The following MUC6 variants were observed in gnomAD, a reference collection of about 807,000 sequenced individuals.
The protein encoded by MUC6 is mucin 6, oligomeric mucus/gel-forming (gene/pseudogene).
MUC6 carries 188 observed loss-of-function variants against 201.5 expected under a neutral mutation model. That is an observed-to-expected ratio of 0.93 (90% confidence interval 0.83 to 1.05). The LOEUF (loss-of-function observed/expected upper bound fraction) is 1.05. MUC6 is among the 50% of genes least tolerant of loss of function. The pLI is 0.00. For missense variants in MUC6, 2,706 were observed against 3,256.9 expected, an observed-to-expected ratio of 0.83 and a Z score of 4.12; for synonymous variants, 1,228 against 1,389.4, an observed-to-expected ratio of 0.88 and a Z score of 2.58.
intron 1 of MUC6, among the ~76,000 whole-genome samples, chr11:1,034,865 C>G (rs1019333750): frequency 6.6e-6 from 1 of 152,208 alleles, no homozygotes; most frequent in East Asian, 1.9e-4. Context: ...CTGCCCCACC[C>G]GCAGGAGGTT....
rs562379667 is a variant in MUC6 at position 1,029,239 on chromosome 11, T to G, written c.1264A>C (p.Ile422Leu). Residue 422 changes from isoleucine to leucine, a missense_variant, in exon 10 of 33, where the codon ATC (isoleucine) becomes CTC (leucine). Transcript: ENST00000421673. ...AGGGCTCGTCCTACCTGGAGGAGGA[T>G]GTAGGTGCAGGTGCCGTGGAAGCGG... ...PYRFHGTCTY[I>L]LLQSPQLPED... The G allele has an allele frequency of 6.2e-7, 1 of 1,607,724 alleles. No individual in the cohort carries two copies. Among genetic ancestry groups the G allele is most frequent in the East Asian group, 2.2e-5 (1 of 44,666 alleles).
rs750800331 is a variant in MUC6 at position 1,016,067 on chromosome 11, G to A, written c.6734C>T (p.Thr2245Ile). The A allele has an allele frequency of 6.8e-6, 11 of 1,612,842 alleles. No individual in the cohort carries two copies. The highest frequency in any genetic ancestry group is 6.7e-5 in the African/African-American group (5 of 74,876). Residue 2245 changes from threonine to isoleucine, a missense_variant, in exon 31 of 33, where the codon ACC becomes ATC. Around this residue, in one of 10 missense-constraint regions of MUC6, gnomAD observed 586 missense variants for 488.0 expected, o/e 1.20. Transcript: ENST00000421673. ...PTPSSHLASSTIAFPSTPRTT... is the reference protein window; with the variant it reads ...PTPSSHLASSIIAFPSTPRTT... ...CCTGGGCGTGGACGGAAATGCAATG[G>A]TGCTGGAGGCTAGGTGGCTGGATGG...
rs1856740253 is a variant in MUC6 at position 1,018,667 on chromosome 11, T to C, written c.4134A>G (p.Gly1378=). The part of the protein sequence containing the change: ...STTGPTTPQP[G]QPTRPTATET... ...CTGTGGCTGTGGGCCTCGTGGGTTG[T>C]CCTGGCTGTGGGGTGGTTGGGCCTG... Residue 1378 remains glycine, a synonymous_variant, in exon 31 of 33, where the codon GGA becomes GGG. Coordinates refer to ENST00000421673, the MANE Select transcript of MUC6 (RefSeq NM_005961.3). 1 of 1,613,098 alleles carries C rather than the reference T, an allele frequency of 6.2e-7. No homozygotes were observed. The highest frequency in any genetic ancestry group is 1.3e-5 in the African/African-American group (1 of 74,730).
At position 1,027,410 on chromosome 11, in the gene MUC6, G is replaced by C; in HGVS notation, c.2089C>G (p.Pro697Ala). The C allele has an allele frequency of 6.2e-7, 1 of 1,612,830 alleles. No homozygotes were observed. The highest frequency in any genetic ancestry group is 1.1e-5 in the South Asian group (1 of 91,086). Residue 697 changes from proline to alanine, a missense_variant, in exon 17 of 33, where the codon CCC (proline) becomes GCC (alanine). Coordinates refer to ENST00000421673, the MANE Select transcript of MUC6 (RefSeq NM_005961.3). ...TCGGGGCAGTTGCAACCGTCCACGG[G>C]CACGGCGCTGTGGTGGCACTCGGTG... is the stretch of plus-strand genomic sequence containing the variant. ...RATECHHSAV[P>A]VDGCNCPDGT...
intron 31 of MUC6, among the ~76,000 whole-genome samples, 153 bp downstream of exon 31, chr11:1,015,609 G>A (rs1856584240): frequency 6.6e-6 from 1 of 152,124 alleles, no homozygotes; most frequent in East Asian, 1.9e-4. Context: ...GGAGAGGAGA[G>A]TGGAAACGCC....
chr11:1,013,280 C>T lies in MUC6; in HGVS notation c.*176G>A, dbSNP rs1344167194. 2 of 635,822 alleles carry T rather than the reference C, an allele frequency of 3.1e-6. No homozygotes were observed. Among genetic ancestry groups the T allele is most frequent in the African/African-American group, 3.7e-5 (2 of 54,188 alleles). The allele number at this position is 635,822 out of a possible 1,614,324, so 39.4% of individuals were successfully genotyped here. ...TGCAGGAGTGTGGTAGTCTGAGCCC[C>T]TGCTTGGCAGCCCCTCTCCAACCGG... is the stretch of plus-strand genomic sequence containing the variant. On this transcript the variant is annotated 3_prime_UTR_variant, in exon 33 of 33. Coordinates refer to ENST00000421673, the MANE Select transcript of MUC6 (RefSeq NM_005961.3).
intron 24 of MUC6, among the ~76,000 whole-genome samples, chr11:1,024,639 G>A (rs1238533009): frequency 6.6e-6 from 1 of 152,170 alleles, no homozygotes; most frequent in Non-Finnish European, 1.5e-5. Flanking sequence ...GGAGGCCGGG[G>A]GGCTGCTTAA....
intron 7 of MUC6, 37 bp from the exon 8 acceptor site, chr11:1,030,372 C>G (rs752887553): frequency 6.5e-7 from 1 of 1,528,424 alleles, no homozygotes; most frequent in South Asian, 1.2e-5. Context: ...AGGGTCCCAC[C>G]CCCCCCACCC....
In MUC6 at chr11:1,027,159, G is replaced by T; in HGVS notation, c.2266C>A (p.Arg756=). 1 of 1,612,546 alleles carries T rather than the reference G, an allele frequency of 6.2e-7. No homozygotes were observed. The highest frequency in any genetic ancestry group is 8.5e-7 in the Non-Finnish European group (1 of 1,179,804). ...CINGRLSCPQ[R]PQMFLASCQA... ...TACGTACCCAGGAACATCTGTGGCC[G>T]CTGCGGGCAACTCAGCCGCCCGTTG... Residue 756 remains arginine, a synonymous_variant, in exon 18 of 33, where the codon CGG becomes AGG. Transcript: ENST00000421673.
chr11:1,018,959 G>T (rs1267277145), intron 30 of MUC6, among the ~76,000 whole-genome samples, 189 bp from the exon 31 acceptor site: 3 of 152,074 alleles, frequency 2.0e-5, no homozygotes, highest in Admixed American at 6.5e-5. Flanking sequence ...TCCACATCCT[G>T]CCCTGAGCTG....
At position 1,030,714 on chromosome 11, in the gene MUC6, C is replaced by G; in HGVS notation, c.751G>C (p.Val251Leu). The G allele has an allele frequency of 6.5e-7, 1 of 1,546,396 alleles. No homozygotes were observed. The highest frequency in any genetic ancestry group is 1.2e-5 in the South Asian group (1 of 84,154). ...GCCACGTCCGCCTGGCAGCTTAGCA[C>G]GAAGGGCTCCTTGGACACGCTGCAC... ...PECSVSKEPF[V>L]LSCQADVAAA... Residue 251 changes from valine (V) to leucine (L), a missense_variant, in exon 7 of 33, where the codon GTG (valine) becomes CTG (leucine). Around this residue, in one of 10 missense-constraint regions of MUC6, gnomAD observed 1,850 missense variants for 1,958.3 expected, o/e 0.94. Transcript: ENST00000421673.
chr11:1,018,847 C>A, intron 30 of MUC6, 77 bp from the exon 31 acceptor site: 1 of 1,499,256 alleles, frequency 6.7e-7, no homozygotes, highest in Non-Finnish European at 8.9e-7. Context: ...GTCCTTTTGT[C>A]TATGTGACCT....
chr11:1,030,637 C>G lies in MUC6; in HGVS notation c.828G>C (p.Glu276Asp). ...CCACCATGCTGCACTGGCGGGAGTA[C>G]TCCGACAGGGTGGCACAACTGCTGT... ...PQNSSCATLS[E>D]YSRQCSMVGQ... is the part of the protein sequence containing the mutation. Residue 276 changes from glutamate (E) to aspartate (D), a missense_variant, in exon 7 of 33, where the codon GAG (glutamate) becomes GAC (aspartate). Glu to Asp is a conservative substitution (Grantham distance 45). Coordinates refer to ENST00000421673, the MANE Select transcript of MUC6 (RefSeq NM_005961.3). 6.5e-7 allele frequency: 1 copy of G among 1,540,886 alleles called. No homozygotes were observed. The highest frequency in any genetic ancestry group is 8.7e-7 in the Non-Finnish European group (1 of 1,144,818).
At chr11:1,025,696 G>T in intron 22 of MUC6, 109 bp downstream of exon 22, 1 of 1,064,102 alleles carries the variant, frequency 9.4e-7, no homozygotes, top group Non-Finnish European at 1.4e-6. Context: ...CAGGCGGGGA[G>T]GGCTGCATCT....
At chr11:1,019,004 G>A (rs1321331966) in intron 30 of MUC6, among the ~76,000 whole-genome samples, 1 of 152,158 alleles carries the variant, frequency 6.6e-6, no homozygotes, top group African/African-American at 2.4e-5. Flanking sequence ...GCCGCTCTGT[G>A]ACTGGAACCC....
At chr11:1,025,601 A>G (rs1415826752) in intron 22 of MUC6, among the ~76,000 whole-genome samples, 1 of 152,186 alleles carries the variant, frequency 6.6e-6, no homozygotes, top group Non-Finnish European at 1.5e-5. Flanking sequence ...GACATTCTGC[A>G]GTCCCTGAAA....
chr11:1,031,277 GCT>G lies in MUC6; in HGVS notation c.484-20_484-19del. ...ACCAGAACCTGCGGGAGACGGCTCT[GCT>G]GGGGGCCCGGGGGCCAGGGGCCCCC... On this transcript the variant is annotated intron_variant, in intron 4 of 32. Transcript: ENST00000421673. 6.4e-7 allele frequency: 1 copy of G among 1,553,602 alleles called. No individual in the cohort carries two copies. The highest frequency in any genetic ancestry group is 8.7e-7 in the Non-Finnish European group (1 of 1,149,558).
rs1385203224 is a variant in MUC6 at position 1,025,414 on chromosome 11, C to T, written c.2800-47G>A. 7 of 1,580,578 alleles carry T rather than the reference C, an allele frequency of 4.4e-6. No individual in the cohort carries two copies. In the African/African-American group the frequency reaches 6.7e-5, roughly 15 times the overall value. ...GGACTGCCTGTCTGTCTCCCCCGGC[C>T]CCTGGCACAGCCGTGCTGGACCGAG... On this transcript the variant is annotated intron_variant, in intron 22 of 32. Coordinates refer to ENST00000421673, the MANE Select transcript of MUC6 (RefSeq NM_005961.3).
intron 13 of MUC6, 120 bp from the exon 14 acceptor site, chr11:1,028,507 C>A: frequency 6.5e-7 from 1 of 1,531,588 alleles, no homozygotes. Context: ...CTGCGTGGGC[C>A]ACACGTGCCT....
Sources: allele counts gnomAD v4.1 joint callset (sites outside exome capture counted in the v4.1 genomes callset), GRCh38; gene constraint gnomAD v4.1.1; regional missense constraint gnomAD v4.1.1; transcripts MANE v1.5; gene names NCBI Gene and HGNC (gene_info 2026-07-23, HGNC 2026-07-21).